The following STAB1 variants were observed in gnomAD, a reference collection of about 807,000 sequenced individuals.
STAB1 encodes the protein stabilin 1, also known as stabilin-1.
Under a neutral mutation model 332.4 loss-of-function variants are expected in STAB1, and 250 were observed. The ratio of observed to expected loss-of-function variants is 0.75; its 90% CI spans 0.68 to 0.84. The LOEUF (loss-of-function observed/expected upper bound fraction) is 0.84, where lower values mean the gene tolerates loss of function less well. Ranked by LOEUF, STAB1 falls within the 40% of genes least tolerant of loss-of-function variation. STAB1 has a pLI of 0.00. For missense variants in STAB1, 3,249 were observed against 3,489.7 expected (o/e 0.93, Z 1.74); for synonymous variants, 1,475 against 1,390.4 (o/e 1.06, Z -1.35).
rs199640409 is a variant in STAB1, at chr3:52,502,169, G to A, written c.428G>A (p.Arg143His). 3.4e-4 allele frequency: 550 copies of A among 1,613,474 alleles called. No individual in the cohort carries two copies. Among genetic ancestry groups the A allele is most frequent in the South Asian group, 4.5e-4 (41 of 91,080 alleles). ...TGCATCCACCACCAGGAAAACTTCC[G>A]CGGCTCAGCCTGCCAGGAGTGCCAA... ...NGTCVCQENF[R>H]GSACQECQDP... The change falls in exon 5 of 69, where the codon CGC becomes CAC. Residue 143 changes from arginine (R) to histidine (H), a missense_variant. Arg to His is a conservative substitution (Grantham distance 29). Transcript: ENST00000321725.
intron 26 of STAB1, among the ~76,000 whole-genome samples, chr3:52,512,076 C>T (rs892991203): frequency 1.3e-5 from 2 of 152,248 alleles, no homozygotes; most frequent in Non-Finnish European, 2.9e-5. Context: ...AGCTCTGGCT[C>T]CTGGGGATAC....
chr3:52,499,828 G>A (rs1394550596), intron 1 of STAB1, among the ~76,000 whole-genome samples: 1 of 147,724 alleles, frequency 6.8e-6, no homozygotes, highest in Non-Finnish European at 1.5e-5. Context: ...GAACCCGGGA[G>A]GCGGAGCTTG....
In STAB1 at chr3:52,499,908, A is replaced by AAC. The variant is rs1450604088; in HGVS notation, c.79-1257_79-1256insCA. 3.4e-5 allele frequency among the ~76,000 whole-genome samples: 5 copies of AAC among 146,222 alleles called. 1 individual carries two copies. The highest frequency in any genetic ancestry group is 2.3e-4 in the South Asian group (1 of 4,384). Reference sequence around the variant, plus strand: ...AGCGAGACTCCATCTCAAAAAAAAAAAAAAAAAAAAAAAAACTGGCCAGGC... The same window carrying AAC: ...AGCGAGACTCCATCTCAAAAAAAAAAACAAAAAAAAAAAAAAACTGGCCAGGC... On this transcript the variant is annotated intron_variant, in intron 1 of 68. Transcript: ENST00000321725.
chr3:52,516,049 G>C lies in STAB1; in HGVS notation c.3955G>C (p.Asp1319His). 1 of 1,608,088 alleles carries C rather than the reference G, an allele frequency of 6.2e-7. No homozygotes were observed. Among genetic ancestry groups the C allele is most frequent in the South Asian group, 1.1e-5 (1 of 90,624 alleles). Residue 1319 changes from aspartate to histidine, a missense_variant, in exon 38 of 69, where the codon GAC becomes CAC. Transcript: ENST00000321725. ...YTCAKKIQVPDCCPGFFGTLC... is the reference protein window; with the variant it reads ...YTCAKKIQVPHCCPGFFGTLC... ...CCCATCCCCACGCCGACAGGTGCCGGACTGCTGCCCTGGTTTCTTTGGCAC... is the reference window on the plus strand; with the variant it reads ...CCCATCCCCACGCCGACAGGTGCCGCACTGCTGCCCTGGTTTCTTTGGCAC...
chr3:52,510,659 T>A, intron 25 of STAB1, 152 bp downstream of exon 25: 1 of 1,038,980 alleles, frequency 9.6e-7, no homozygotes, highest in Non-Finnish European at 1.4e-6. Flanking sequence ...TAGTAGCATC[T>A]GGGATTCGCT....
intron 44 of STAB1, 39 bp downstream of exon 44, chr3:52,517,663 G>T: frequency 6.2e-7 from 1 of 1,605,828 alleles, no homozygotes; most frequent in South Asian, 1.1e-5. Flanking sequence ...CTGACGAGAA[G>T]GAGAGGGGAC....
chr3:52,498,461 C>T (rs1383211306), intron 1 of STAB1, among the ~76,000 whole-genome samples: 1 of 152,242 alleles, frequency 6.6e-6, no homozygotes, highest in Non-Finnish European at 1.5e-5. Flanking sequence ...GCTGTGGTCT[C>T]GGAGAAGCAC....
Position 52,523,242 on chromosome 3 carries a change from T to G in STAB1, c.7041T>G (p.Asn2347Lys), listed in dbSNP as rs748892135. The G allele has an allele frequency of 6.2e-7, 1 of 1,613,174 alleles. No homozygotes were observed. The highest frequency in any genetic ancestry group is 8.5e-7 in the Non-Finnish European group (1 of 1,180,018). ...GCCAGATGCTATTGGGCTATGCCAATGCCACCCAGCGGGGTCTCGACTTCC... is the reference window on the plus strand; with the variant it reads ...GCCAGATGCTATTGGGCTATGCCAAGGCCACCCAGCGGGGTCTCGACTTCC... The part of the protein sequence containing the change: ...TFYGMLLGYA[N>K]ATQRGLDFLD... The change falls in exon 64 of 69, where the codon AAT becomes AAG. Residue 2347 changes from asparagine to lysine, a missense_variant. Transcript: ENST00000321725.
At chr3:52,504,281 G>C in intron 10 of STAB1, 126 bp downstream of exon 10, 1 of 1,475,990 alleles carries the variant, frequency 6.8e-7, no homozygotes, top group Non-Finnish European at 9.1e-7. Flanking sequence ...ACAGGTGGCT[G>C]TGGGGGGTGC....
chr3:52,506,599 C>T (rs1559683160), intron 17 of STAB1, 93 bp from the exon 18 acceptor site: 21 of 1,383,454 alleles, frequency 1.5e-5, no homozygotes, highest in Non-Finnish European at 1.9e-5. Flanking sequence ...AGCTGCCTGT[C>T]TGCTCTAACT....
rs774846858 is a variant in STAB1 at position 52,523,583 on chromosome 3, C to A, written c.7290+7C>A. ...CAGTTCCTGGGCCCCTGTGGTGAGT[C>A]TGGCCACTGTCCCACCCTGTTGGCC... On this transcript the variant is annotated splice_region_variant and intron_variant, in intron 65 of 68. Coordinates refer to ENST00000321725, the MANE Select transcript of STAB1 (RefSeq NM_015136.3). 1.1e-5 allele frequency: 18 copies of A among 1,612,610 alleles called. 1 individual carries two copies. The African/African-American group carries it at 2.0e-4, about 18-fold the overall frequency.
intron 23 of STAB1, 30 bp downstream of exon 23, chr3:52,510,086 C>T: frequency 6.2e-7 from 1 of 1,613,414 alleles, no homozygotes; most frequent in African/African-American, 1.3e-5. Context: ...GTCTGCCCCA[C>T]CCGTGACCTT....
chr3:52,516,008 C>T, intron 37 of STAB1, 35 bp from the exon 38 acceptor site: 1 of 1,550,588 alleles, frequency 6.4e-7, no homozygotes, highest in Non-Finnish European at 8.7e-7. Context: ...CTTGCTGGGC[C>T]TCTCTCGCCC....
chr3:52,503,276 T>G (rs983088939), intron 7 of STAB1, 68 bp from the exon 8 acceptor site: 4 of 1,542,622 alleles, frequency 2.6e-6, no homozygotes, highest in Admixed American at 3.7e-5. Context: ...GCCTTCCTGG[T>G]GAAAGCTGTG....
Position 52,505,976 on chromosome 3 carries a change from G to A in STAB1, c.1749+40G>A, listed in dbSNP as rs374253037. 6.9e-4 allele frequency: 1,116 copies of A among 1,611,186 alleles called. 9 individuals are homozygous for A. Among genetic ancestry groups the A allele is most frequent in the African/African-American group, 2.1e-4 (16 of 74,884 alleles). ...TCTGGGGGGCGGCCAGCTTGTACCC[G>A]GTGGGCCTGCCTGCAGGTTCTGGAC... On this transcript the variant is annotated intron_variant, in intron 16 of 68. Transcript: ENST00000321725.
chr3:52,520,935 C>A lies in STAB1; in HGVS notation c.5838C>A (p.Cys1946Ter). 4 of 1,592,352 alleles carry A rather than the reference C, an allele frequency of 2.5e-6. No homozygotes were observed. The highest frequency in any genetic ancestry group is 2.6e-6 in the Non-Finnish European group (3 of 1,169,306). ...GGCCCCAAGGCCTGGGCAGGGGCTG[C>A]CACCGCAATTGTGTCACCACCACCT... ...WGRPQGLGRG[C>*]HRNCVTTTWK... Residue 1946 changes from cysteine to a stop codon, truncating the protein, a stop_gained, in exon 55 of 69, where the codon TGC (cysteine) becomes TGA (stop). Transcript: ENST00000321725. LOFTEE classifies it high-confidence loss of function.
intron 26 of STAB1, among the ~76,000 whole-genome samples, 157 bp downstream of exon 26, chr3:52,511,902 C>A (rs1457455661): frequency 6.6e-6 from 1 of 152,190 alleles, no homozygotes; most frequent in Non-Finnish European, 1.5e-5. Context: ...CTCCTCTCCC[C>A]CTTCACCCGC....
Position 52,503,149 on chromosome 3 carries a change from C to T in STAB1, c.694+40C>T, listed in dbSNP as rs183584145. The T allele has an allele frequency of 1.2e-4, 111 of 934,852 alleles. No homozygotes were observed. The East Asian group carries it at 1.7e-3, about 15-fold the overall frequency. The allele number at this position is 934,852 out of a possible 1,614,324, so 57.9% of individuals were successfully genotyped here. On this transcript the variant is annotated intron_variant, in intron 7 of 68. Coordinates refer to ENST00000321725, the MANE Select transcript of STAB1 (RefSeq NM_015136.3). ...AGAGGCCAGGGACTTCAGCTCAGGG[C>T]GGGCGGGGGCTGGGAGAGCATCCTT...
intron 9 of STAB1, 45 bp from the exon 10 acceptor site, chr3:52,503,983 G>C (rs1311216439): frequency 6.2e-7 from 1 of 1,609,930 alleles, no homozygotes; most frequent in Admixed American, 1.7e-5. Context: ...GTGCGGTGGG[G>C]GGGGCCTCAG....
Sources: gnomAD v4.1 joint callset for allele counts (sites outside exome capture counted in the v4.1 genomes callset) on GRCh38, gnomAD v4.1.1 for gene constraint, MANE v1.5 for transcripts, NCBI Gene and HGNC (gene_info 2026-07-23, HGNC 2026-07-21) for gene names.